Variants in DMAC2L observed in about 807,000 individuals in gnomAD.
The protein encoded by DMAC2L is distal membrane arm assembly component 2 like, also known as ATP synthase subunit s, mitochondrial.
In DMAC2L, 21 loss-of-function variants were observed where a neutral mutation model predicts 22.5. The ratio of observed to expected loss-of-function variants is 0.93; its 90% CI spans 0.66 to 1.34. The LOEUF (loss-of-function observed/expected upper bound fraction) is 1.34, where lower values mean the gene tolerates loss of function less well. DMAC2L is among the 40% of genes most tolerant of loss of function. The pLI is 0.00. For missense variants in DMAC2L, 239 were observed against 246.5 expected, an observed-to-expected ratio of 0.97 and a Z score of 0.20; for synonymous variants, 86 against 89.5, an observed-to-expected ratio of 0.96 and a Z score of 0.22.
Position 50,322,670 on chromosome 14 carries a change from G to A in DMAC2L, c.267G>A (p.Ala89=), listed in dbSNP as rs111717108. Residue 89 remains alanine (A), a synonymous_variant, in exon 4 of 6, where the codon GCG becomes GCA. Transcript: ENST00000557421. ...TGPLDKYKIQ[A]IDATDSCIMS... ...CTCTGGACAAATACAAGATTCAGGC[G>A]ATCGACGCCACCGACTCTTGTATCA... is the stretch of plus-strand genomic sequence containing the variant. 863 of 1,614,070 alleles carry A rather than the reference G, an allele frequency of 5.3e-4. 1 individual carries two copies. The highest frequency in any genetic ancestry group is 9.9e-4 in the Middle Eastern group (6 of 6,062).
upstream of DMAC2L, chr14:50,312,199 C>T (rs1566548194): frequency 6.2e-7 from 1 of 1,601,302 alleles, no homozygotes; most frequent in Non-Finnish European, 8.5e-7. Flanking sequence ...GCCACTTGAC[C>T]CTCCACGGCC....
intron 2 of DMAC2L, among the ~76,000 whole-genome samples, chr14:50,317,331 G>C (rs1483738787): frequency 6.6e-6 from 1 of 152,160 alleles, no homozygotes; most frequent in Admixed American, 6.5e-5. Flanking sequence ...CTTTTTGGAG[G>C]AGTCTTTAGG....
rs748784549 is a variant in DMAC2L at position 50,325,658 on chromosome 14, G to T, written c.538G>T (p.Glu180Ter). ...TGATCTTCCTGGAGTAAGAGAAAAA[G>T]AAAATCTTGTCCAAGCCTTTAAGAC... The part of the protein sequence containing the change: ...LSDLPGVREK[E>*]NLVQAFKTAL... Residue 180 changes from glutamate to a stop codon, truncating the protein, a stop_gained, in exon 6 of 6, where the codon GAA (glutamate) becomes TAA (stop). Transcript: ENST00000557421. LOFTEE classifies it high-confidence loss of function. The T allele has an allele frequency of 6.2e-7, 1 of 1,612,906 alleles. No homozygotes were observed. Among genetic ancestry groups the T allele is most frequent in the South Asian group, 1.1e-5 (1 of 90,948 alleles).
At chr14:50,318,942 C>G (rs1003551130) in intron 2 of DMAC2L, 1 of 798,672 alleles carries the variant, frequency 1.3e-6, no homozygotes, top group African/African-American at 1.9e-5. Context: ...CTCCTTTGTT[C>G]TTGTTTTTGT....
At chr14:50,311,954 A>G, upstream of DMAC2L, 1 of 1,536,558 alleles carries the variant, frequency 6.5e-7, no homozygotes. Context: ...GTCCACCACC[A>G]GGTGCCTCCG....
chr14:50,314,642 TTTTTTA>T lies in DMAC2L; in HGVS notation c.-6+28_-6+33del. 2.2e-6 allele frequency: 1 copy of T among 454,300 alleles called. No homozygotes were observed. The highest frequency in any genetic ancestry group is 4.4e-6 in the Non-Finnish European group (1 of 226,778). 28.1% of individuals were successfully genotyped at this position (454,300 alleles called of 1,614,324 possible). A position where few individuals can be genotyped will look rare whatever the true frequency, so the allele number is the denominator to read the frequency against. ...GGGTCATATGGTAAGTGCATGTTTA[TTTTTTA>T]TTTTTATTTTTGAGACAGGGTTATG... On this transcript the variant is annotated intron_variant, in intron 2 of 5. Coordinates refer to ENST00000557421, the MANE Select transcript of DMAC2L (RefSeq NM_001382507.1).
upstream of DMAC2L, among the ~76,000 whole-genome samples, chr14:50,311,591 G>C (rs1595167344): frequency 6.6e-6 from 1 of 152,182 alleles, no homozygotes; most frequent in African/African-American, 2.4e-5. Context: ...ACTGTATTCA[G>C]ATCTTCCAAG....
At chr14:50,317,420 C>A (rs763014728) in intron 2 of DMAC2L, among the ~76,000 whole-genome samples, 1 of 152,138 alleles carries the variant, frequency 6.6e-6, no homozygotes, top group African/African-American at 2.4e-5. Context: ...CCTTTTATTT[C>A]TTTCTCTTGT....
In DMAC2L at chr14:50,314,595, A is replaced by G. The variant is rs1377655993; in HGVS notation, c.-37A>G. The G allele has an allele frequency of 6.6e-6, 3 of 455,398 alleles. No homozygotes were observed. Among genetic ancestry groups the G allele is most frequent in the African/African-American group, 4.0e-5 (2 of 50,058 alleles). The allele number at this position is 455,398 out of a possible 1,614,324, so 28.2% of individuals were successfully genotyped here. Reference sequence around the variant, plus strand: ...AACCTGTTTTTGTTTCTCTAGGATAAGTGCCCAAGAGTACAATTGCTGGGT... The same window carrying G: ...AACCTGTTTTTGTTTCTCTAGGATAGGTGCCCAAGAGTACAATTGCTGGGT... On this transcript the variant is annotated 5_prime_UTR_variant, in exon 2 of 6. Transcript: ENST00000557421.
intron 1 of DMAC2L, 56 bp downstream of exon 1, chr14:50,312,445 T>C (rs1220310734): frequency 1.8e-5 from 9 of 500,274 alleles, no homozygotes; most frequent in Non-Finnish European, 3.3e-5. Flanking sequence ...GGTTGTGTTC[T>C]GCCCTCGCCC....
intron 2 of DMAC2L, among the ~76,000 whole-genome samples, chr14:50,316,986 C>T (rs980418346): frequency 2.0e-5 from 3 of 152,110 alleles, no homozygotes; most frequent in African/African-American, 7.2e-5. Flanking sequence ...CCAGAATCTG[C>T]AATGAACTTG....
chr14:50,313,323 C>T (rs1041829588), intron 1 of DMAC2L, among the ~76,000 whole-genome samples: 5 of 152,174 alleles, frequency 3.3e-5, no homozygotes, highest in Admixed American at 6.5e-5. Flanking sequence ...GAAATCACTT[C>T]ACCTCTTTGC....
upstream of DMAC2L, chr14:50,312,295 G>T: frequency 8.2e-7 from 1 of 1,223,962 alleles, no homozygotes; most frequent in Non-Finnish European, 1.1e-6. Context: ...GGCTGCGGTG[G>T]CCAATAGGCG....
chr14:50,323,875 G>T, intron 4 of DMAC2L, 70 bp from the exon 5 acceptor site: 1 of 1,368,724 alleles, frequency 7.3e-7, no homozygotes, highest in South Asian at 1.4e-5. Context: ...CAAGTCAGTC[G>T]TGGGCAAACC....
chr14:50,316,231 C>T (rs1339539306), intron 2 of DMAC2L, among the ~76,000 whole-genome samples: 3 of 152,010 alleles, frequency 2.0e-5, no homozygotes, highest in African/African-American at 7.2e-5. Flanking sequence ...TCTTCATGTC[C>T]TTAGCCCACT....
At chr14:50,313,044 G>C (rs765411242) in intron 1 of DMAC2L, 4 of 1,613,780 alleles carry the variant, frequency 2.5e-6, no homozygotes, top group Non-Finnish European at 3.4e-6. Context: ...TCTCTGAGCA[G>C]CGACTCACCT....
At position 50,312,348 on chromosome 14, in the gene DMAC2L, C is replaced by G. The variant is rs768825175; in HGVS notation, c.-83C>G. ...AGGGCCGGCCAGGGTGCCGCAGACGCGGGGACGCTGGCTCGCTCCCTCCCT... is the reference window on the plus strand; with the variant it reads ...AGGGCCGGCCAGGGTGCCGCAGACGGGGGGACGCTGGCTCGCTCCCTCCCT... On this transcript the variant is annotated 5_prime_UTR_variant, in exon 1 of 6. Coordinates refer to ENST00000557421, the MANE Select transcript of DMAC2L (RefSeq NM_001382507.1). 3 of 709,062 alleles carry G rather than the reference C, an allele frequency of 4.2e-6. No homozygotes were observed. Among genetic ancestry groups the G allele is most frequent in the Non-Finnish European group, 4.6e-6 (2 of 433,224 alleles). 43.9% of individuals were successfully genotyped at this position (709,062 alleles called of 1,614,324 possible). A position where few individuals can be genotyped will look rare whatever the true frequency, so the allele number is the denominator to read the frequency against.
upstream of DMAC2L, chr14:50,312,223 C>T (rs533934560): frequency 1.5e-5 from 23 of 1,575,628 alleles, no homozygotes; most frequent in Admixed American, 3.4e-4. Flanking sequence ...GACCCGCGCT[C>T]TTTAGCCCCG....
At position 50,325,859 on chromosome 14, in the gene DMAC2L, G is replaced by T; in HGVS notation, c.*136G>T. The T allele has an allele frequency of 2.2e-6, 3 of 1,348,300 alleles. No individual in the cohort carries two copies. The highest frequency in any genetic ancestry group is 2.8e-5 in the East Asian group (1 of 35,254). The allele number at this position is 1,348,300 out of a possible 1,614,324, so 83.5% of individuals were successfully genotyped here. A position where few individuals can be genotyped will look rare whatever the true frequency, so the allele number is the denominator to read the frequency against. On this transcript the variant is annotated 3_prime_UTR_variant, in exon 6 of 6. Coordinates refer to ENST00000557421, the MANE Select transcript of DMAC2L (RefSeq NM_001382507.1). Reference sequence around the variant, plus strand: ...TTTAGAAGTGGAGAGTGCATCATATGTAGAAAATAAATATTCAGACGTGGC... The same window carrying T: ...TTTAGAAGTGGAGAGTGCATCATATTTAGAAAATAAATATTCAGACGTGGC...
Sources: gnomAD v4.1 joint callset for allele counts (sites outside exome capture counted in the v4.1 genomes callset) on GRCh38, gnomAD v4.1.1 for gene constraint, MANE v1.5 for transcripts, NCBI Gene and HGNC (gene_info 2026-07-23, HGNC 2026-07-21) for gene names.